The following BARX2 variants were observed in gnomAD, a reference collection of about 807,000 sequenced individuals.
BARX2 encodes the protein homeobox protein BarH-like 2.
In BARX2, 11 loss-of-function variants were observed where a neutral mutation model predicts 25.5. That is an observed-to-expected ratio of 0.43 (90% confidence interval 0.27 to 0.71). The LOEUF (loss-of-function observed/expected upper bound fraction) is 0.71, where lower values mean the gene tolerates loss of function less well. Among genes scored for constraint, BARX2 ranks in the 30% least tolerant of loss-of-function variants. BARX2 has a pLI of 0.19. For missense variants in BARX2, 360 were observed against 359.9 expected (o/e 1.00, Z 0.00); for synonymous variants, 137 against 149.5 (o/e 0.92, Z 0.61).
At chr11:129,427,146 A>G (rs2077432639) in intron 1 of BARX2, among the ~76,000 whole-genome samples, 1 of 152,208 alleles carries the variant, frequency 6.6e-6, no homozygotes. Context: ...AGGGAGAGAA[A>G]GAAAGGGAAC....
At chr11:129,446,214 T>G (rs1862327016) in intron 3 of BARX2, among the ~76,000 whole-genome samples, 1 of 152,162 alleles carries the variant, frequency 6.6e-6, no homozygotes, top group Non-Finnish European at 1.5e-5. Flanking sequence ...TATTTGGTGG[T>G]CTCTTTGAGC....
At chr11:129,432,143 A>G (rs1221163165) in intron 1 of BARX2, among the ~76,000 whole-genome samples, 1 of 152,018 alleles carries the variant, frequency 6.6e-6, no homozygotes, top group African/African-American at 2.4e-5. Flanking sequence ...GCTCACTGCA[A>G]CCTCCGCCTC....
chr11:129,417,203 G>C (rs1255223213), intron 1 of BARX2, among the ~76,000 whole-genome samples: 2 of 152,084 alleles, frequency 1.3e-5, no homozygotes, highest in African/African-American at 4.8e-5. Context: ...GCCTGGCCCA[G>C]TGTCTTTATT....
At chr11:129,379,070 C>A (rs531507774) in intron 1 of BARX2, among the ~76,000 whole-genome samples, 6 of 152,120 alleles carry the variant, frequency 3.9e-5, no homozygotes, top group African/African-American at 1.4e-4. Flanking sequence ...GTTTAACAGA[C>A]GCTTTCTTAT....
chr11:129,387,089 C>A (rs1565509155), intron 1 of BARX2, among the ~76,000 whole-genome samples: 1 of 152,196 alleles, frequency 6.6e-6, no homozygotes, highest in South Asian at 2.1e-4. Flanking sequence ...CAAAGTCCTT[C>A]TGCATTTTAT....
rs115097451 is a variant in BARX2, at chr11:129,406,919, G to C, written c.188-29832G>C. 3.8e-3 allele frequency among the ~76,000 whole-genome samples: 572 copies of C among 152,280 alleles called. 5 individuals carry two copies. The highest frequency in any genetic ancestry group is 0.013 in the African/African-American group (549 of 41,566). On this transcript the variant is annotated intron_variant, in intron 1 of 3. Coordinates refer to ENST00000281437, the MANE Select transcript of BARX2 (RefSeq NM_003658.5). ...AAAAATGCAACTGTGACTTTCTTCT[G>C]TTTTCAAGTATCCAACCCATGGAGT...
chr11:129,402,721 C>A (rs1196468520), intron 1 of BARX2, among the ~76,000 whole-genome samples: 2 of 152,220 alleles, frequency 1.3e-5, no homozygotes, highest in Non-Finnish European at 2.9e-5. Flanking sequence ...CTCTTTGTCT[C>A]AGGTTCCCAG....
chr11:129,409,241 C>T (rs1209109493), intron 1 of BARX2, among the ~76,000 whole-genome samples: 1 of 152,196 alleles, frequency 6.6e-6, no homozygotes, highest in Non-Finnish European at 1.5e-5. Context: ...TCCATCCCAC[C>T]CACCGTTCTC....
intron 3 of BARX2, among the ~76,000 whole-genome samples, chr11:129,444,322 G>A (rs1261915350): frequency 2.0e-5 from 3 of 152,078 alleles, no homozygotes; most frequent in African/African-American, 7.2e-5. Flanking sequence ...TCCCAAAAAA[G>A]AAATTCCTGG....
chr11:129,383,624 G>A (rs1384625699), intron 1 of BARX2, among the ~76,000 whole-genome samples: 1 of 152,160 alleles, frequency 6.6e-6, no homozygotes, highest in Non-Finnish European at 1.5e-5. Flanking sequence ...AAGTCTGGAG[G>A]GCAGCTCTGT....
intron 1 of BARX2, among the ~76,000 whole-genome samples, chr11:129,386,442 A>G (rs1861617046): frequency 6.6e-6 from 1 of 152,186 alleles, no homozygotes; most frequent in African/African-American, 2.4e-5. Context: ...AATAATGTTG[A>G]TATTGGCATG....
intron 1 of BARX2, among the ~76,000 whole-genome samples, chr11:129,433,646 G>A (rs1447790065): frequency 6.6e-6 from 1 of 152,058 alleles, no homozygotes; most frequent in East Asian, 1.9e-4. Context: ...TGGTTCTGGG[G>A]CTGGGGTGCT....
At chr11:129,437,421 GA>G in intron 2 of BARX2, 1 of 1,007,892 alleles carries the variant, frequency 9.9e-7, no homozygotes, top group Non-Finnish European at 1.2e-6. Flanking sequence ...ACTAGATTTG[GA>G]ATTGGGATTC....
intron 2 of BARX2, among the ~76,000 whole-genome samples, chr11:129,440,343 C>T (rs1470774115): frequency 1.3e-5 from 2 of 152,200 alleles, no homozygotes; most frequent in Non-Finnish European, 2.9e-5. Context: ...CTGAGCCTTC[C>T]ATTGACTAAT....
At chr11:129,392,289 G>T (rs1163157579) in intron 1 of BARX2, among the ~76,000 whole-genome samples, 1 of 152,174 alleles carries the variant, frequency 6.6e-6, no homozygotes, top group Non-Finnish European at 1.5e-5. Flanking sequence ...CTGATTTGCT[G>T]CAACTTCCTG....
chr11:129,413,838 C>T (rs914525305), intron 1 of BARX2, among the ~76,000 whole-genome samples: 2 of 151,804 alleles, frequency 1.3e-5, no homozygotes, highest in Non-Finnish European at 2.9e-5. Flanking sequence ...CCGAGGCAGG[C>T]GGATCACGAG....
At chr11:129,406,626 C>G (rs1861833060) in intron 1 of BARX2, among the ~76,000 whole-genome samples, 1 of 152,148 alleles carries the variant, frequency 6.6e-6, no homozygotes, top group Admixed American at 6.5e-5. Flanking sequence ...AGGCACCTCC[C>G]AAGGCTCTGC....
chr11:129,418,546 T>C (rs1222667095), intron 1 of BARX2, among the ~76,000 whole-genome samples: 1 of 152,274 alleles, frequency 6.6e-6, no homozygotes, highest in Non-Finnish European at 1.5e-5. Flanking sequence ...TTAGCTTTTC[T>C]GTATGTGGGA....
intron 1 of BARX2, among the ~76,000 whole-genome samples, chr11:129,413,294 A>G (rs1861908764): frequency 6.6e-6 from 1 of 152,264 alleles, no homozygotes. Context: ...CACGCAAGTT[A>G]CTAAGTGGTG....
Sources: allele counts gnomAD v4.1 joint callset (sites outside exome capture counted in the v4.1 genomes callset), GRCh38; gene constraint gnomAD v4.1.1; transcripts MANE v1.5; gene names NCBI Gene and HGNC (gene_info 2026-07-23, HGNC 2026-07-21).